The following NAALADL2 variants were observed in gnomAD, a reference collection of about 807,000 sequenced individuals.
NAALADL2 encodes the protein inactive N-acetylated-alpha-linked acidic dipeptidase-like protein 2.
NAALADL2 carries 76 observed loss-of-function variants against 87.2 expected under a neutral mutation model. The ratio of observed to expected loss-of-function variants is 0.87; its 90% confidence interval spans 0.72 to 1.05. The LOEUF is 1.05. Among genes scored for constraint, NAALADL2 ranks in the 50% least tolerant of loss-of-function variants. The pLI is 0.00. For synonymous variants in NAALADL2, 354 were observed against 331.0 expected (o/e 1.07, Z -0.75); for missense variants, 1,089 against 945.8 (o/e 1.15, Z -1.99).
intron 3 of NAALADL2, among the ~76,000 whole-genome samples, chr3:174,781,351 C>G (rs1366288412): frequency 1.3e-5 from 2 of 151,728 alleles, no homozygotes; most frequent in African/African-American, 4.8e-5. Flanking sequence ...GGAAGTTCTC[C>G]TGGATAATAT....
intron 1 of NAALADL2, among the ~76,000 whole-genome samples, chr3:174,902,074 GGTCT>G (rs1732382106): frequency 6.6e-6 from 1 of 152,098 alleles, no homozygotes; most frequent in African/African-American, 2.4e-5. Flanking sequence ...TGATTGAGGT[GGTCT>G]GATGCAGGGC....
chr3:174,829,369 G>GT (rs1405565945), intron 3 of NAALADL2, among the ~76,000 whole-genome samples: 3 of 149,480 alleles, frequency 2.0e-5, no homozygotes, highest in Non-Finnish European at 4.4e-5. Context: ...TGCGGTGTTT[G>GT]TTTTTTTGTT....
chr3:174,924,843 G>C (rs1011496070), intron 1 of NAALADL2, among the ~76,000 whole-genome samples: 2 of 151,762 alleles, frequency 1.3e-5, no homozygotes, highest in African/African-American at 4.8e-5. Context: ...AGAGTCTGTT[G>C]GTCTGTTGGC....
At chr3:175,749,561 G>A (rs927257907) in intron 12 of NAALADL2, among the ~76,000 whole-genome samples, 4 of 151,890 alleles carry the variant, frequency 2.6e-5, no homozygotes, top group African/African-American at 9.7e-5. Context: ...AACAAAGAGA[G>A]AGAACCCACT....
At chr3:175,312,206 G>T (rs935677578) in intron 4 of NAALADL2, among the ~76,000 whole-genome samples, 1 of 152,044 alleles carries the variant, frequency 6.6e-6, no homozygotes, top group African/African-American at 2.4e-5. Flanking sequence ...TTGAGCTTCG[G>T]AAGTAAAAAT....
At chr3:175,529,660 G>T (rs1733850696) in intron 9 of NAALADL2, among the ~76,000 whole-genome samples, 1 of 152,158 alleles carries the variant, frequency 6.6e-6, no homozygotes. Context: ...GGATGATGGT[G>T]AACATGGTAA....
intron 2 of NAALADL2, among the ~76,000 whole-genome samples, chr3:175,107,983 T>C (rs1042033239): frequency 1.3e-5 from 2 of 151,972 alleles, no homozygotes; most frequent in African/African-American, 4.8e-5. Flanking sequence ...TGAAGTTCTC[T>C]TTCCTTTCAT....
At chr3:175,283,577 T>C (rs776654243) in intron 4 of NAALADL2, among the ~76,000 whole-genome samples, 1 of 152,092 alleles carries the variant, frequency 6.6e-6, no homozygotes, top group Non-Finnish European at 1.5e-5. Flanking sequence ...TCTGTACACA[T>C]TAACATCATT....
At position 175,362,466 on chromosome 3, in the gene NAALADL2, C is replaced by T. The variant is rs188092460; in HGVS notation, c.1090+38141C>T. On this transcript the variant is annotated intron_variant, in intron 5 of 13. Transcript: ENST00000454872. ...ATAAATTACCTTGGGCAGTTATGGC[C>T]ATTTTCATGGTATTGATTGTTCCTA... Among the ~76,000 whole-genome samples, 74 of 147,990 alleles carry T rather than the reference C, an allele frequency of 5.0e-4. 4 individuals carry two copies. The highest frequency in any genetic ancestry group is 1.8e-3 in the African/African-American group (72 of 40,758).
chr3:174,930,985 C>CT (rs149783501), intron 1 of NAALADL2, among the ~76,000 whole-genome samples: 1 of 151,998 alleles, frequency 6.6e-6, no homozygotes, highest in African/African-American at 2.4e-5. Flanking sequence ...AGTAGAATCA[C>CT]TTTTTACCTA....
At chr3:175,655,711 A>G (rs1289746950) in intron 11 of NAALADL2, 1 of 120,506 alleles carries the variant, frequency 8.3e-6, no homozygotes, top group African/African-American at 3.8e-5. Flanking sequence ...AAATAAAATA[A>G]AATAAAATAA....
chr3:175,569,196 A>G (rs1328657749), intron 9 of NAALADL2, among the ~76,000 whole-genome samples: 1 of 152,164 alleles, frequency 6.6e-6, no homozygotes. Flanking sequence ...TGATCCTTCA[A>G]TGTTTACATG....
rs189189626 is a variant in NAALADL2, at chr3:174,573,802, A to C, written c.-115+23165A>C. On this transcript the variant is annotated intron_variant, in intron 2 of 3. Transcript: ENST00000434257. ...ATTCATTCATGAGGGTTCCATACTC[A>C]TGATCCAAACACTCCCAGCAGGCCC... Among the ~76,000 whole-genome samples the C allele has an allele frequency of 1.5e-3, 234 of 152,258 alleles. 2 individuals carry two copies. The highest frequency in any genetic ancestry group is 5.5e-3 in the African/African-American group (229 of 41,556).
chr3:174,851,756 C>A (rs78233163), intron 3 of NAALADL2, among the ~76,000 whole-genome samples: 2,978 of 152,064 alleles, frequency 0.02, 105 homozygotes, highest in African/African-American at 0.069. Flanking sequence ...ATCCTGATAG[C>A]AAAACCAGGC....
chr3:175,794,972 CT>C (rs1444758623), intron 13 of NAALADL2, among the ~76,000 whole-genome samples: 1 of 152,162 alleles, frequency 6.6e-6, no homozygotes, highest in Non-Finnish European at 1.5e-5. Context: ...TTGTCAGTGG[CT>C]GCCTTCCTGC....
chr3:175,007,799 A>C (rs1429102996), intron 1 of NAALADL2, among the ~76,000 whole-genome samples: 2 of 152,182 alleles, frequency 1.3e-5, no homozygotes. Context: ...GCATAGAAAG[A>C]GATGAACAAC....
At chr3:174,981,783 C>T (rs971600532) in intron 1 of NAALADL2, among the ~76,000 whole-genome samples, 6 of 152,060 alleles carry the variant, frequency 3.9e-5, no homozygotes, top group Non-Finnish European at 8.8e-5. Flanking sequence ...ATTTCCAGTA[C>T]TCACCTACCT....
chr3:175,430,410 T>C (rs1717558637), intron 5 of NAALADL2, among the ~76,000 whole-genome samples: 1 of 152,018 alleles, frequency 6.6e-6, no homozygotes, highest in Non-Finnish European at 1.5e-5. Flanking sequence ...TTTTGAAATA[T>C]ACCCTAATTG....
At chr3:175,405,746 G>A (rs1031251638) in intron 5 of NAALADL2, among the ~76,000 whole-genome samples, 2 of 152,092 alleles carry the variant, frequency 1.3e-5, no homozygotes, top group African/African-American at 4.8e-5. Flanking sequence ...GTCAGGCCTT[G>A]TGTTACATTG....
Sources: allele counts gnomAD v4.1 joint callset (sites outside exome capture counted in the v4.1 genomes callset), GRCh38; gene constraint gnomAD v4.1.1; transcripts MANE v1.5; gene names NCBI Gene and HGNC (gene_info 2026-07-23, HGNC 2026-07-21).